The following BACH2 variants were observed in gnomAD, a reference collection of about 807,000 sequenced individuals.
BACH2 encodes the protein BACH transcriptional regulator 2.
In BACH2, 5 loss-of-function variants were observed where a neutral mutation model predicts 61.8. That is an observed-to-expected ratio of 0.08 (90% CI 0.04 to 0.17). The LOEUF is 0.17. Ranked by LOEUF, BACH2 falls within the 10% of genes least tolerant of loss-of-function variation. The pLI is 1.00. For synonymous variants in BACH2, 446 were observed against 440.1 expected (o/e 1.01, Z -0.17); for missense variants, 824 against 1,091.1 (o/e 0.76, Z 3.45).
At chr6:90,108,064 T>C (rs1159004148) in intron 4 of BACH2, among the ~76,000 whole-genome samples, 1 of 152,220 alleles carries the variant, frequency 6.6e-6, no homozygotes, top group Non-Finnish European at 1.5e-5. Context: ...GAAACAGATT[T>C]CAGGATTTTT....
intron 6 of BACH2, among the ~76,000 whole-genome samples, chr6:89,970,868 C>A (rs1292958304): frequency 1.3e-5 from 2 of 152,070 alleles, no homozygotes; most frequent in Non-Finnish European, 2.9e-5. Context: ...ATCTGGGTCG[C>A]AGGGAAAGTC....
intron 6 of BACH2, among the ~76,000 whole-genome samples, chr6:89,989,890 A>T (rs1324630454): frequency 6.6e-6 from 1 of 152,218 alleles, no homozygotes; most frequent in Non-Finnish European, 1.5e-5. Flanking sequence ...CTCTTGAGGA[A>T]CGAAATATGC....
chr6:90,270,999 G>A (rs1582553562), intron 2 of BACH2, among the ~76,000 whole-genome samples: 1 of 152,148 alleles, frequency 6.6e-6, no homozygotes, highest in East Asian at 1.9e-4. Context: ...TTCAATAAAT[G>A]GTGCTGGAAT....
At chr6:90,150,100 G>C (rs1351219022) in intron 4 of BACH2, among the ~76,000 whole-genome samples, 1 of 152,112 alleles carries the variant, frequency 6.6e-6, no homozygotes, top group African/African-American at 2.4e-5. Flanking sequence ...GATCATCTCC[G>C]AGGGGTTTGA....
At chr6:90,290,591 A>C (rs1270862832) in intron 1 of BACH2, among the ~76,000 whole-genome samples, 1 of 152,246 alleles carries the variant, frequency 6.6e-6, no homozygotes, top group Non-Finnish European at 1.5e-5. Flanking sequence ...ATTGCCAAAA[A>C]TCTATGGATA....
At chr6:90,254,307 A>G (rs1350362947) in intron 2 of BACH2, among the ~76,000 whole-genome samples, 2 of 152,054 alleles carry the variant, frequency 1.3e-5, no homozygotes, top group Admixed American at 6.6e-5. Context: ...GAGTATGTGA[A>G]TCTTCCTAGA....
intron 7 of BACH2, among the ~76,000 whole-genome samples, chr6:89,944,280 T>TGGA (rs1307170166): frequency 6.6e-6 from 1 of 152,196 alleles, no homozygotes; most frequent in African/African-American, 2.4e-5. Flanking sequence ...GGATGACAGG[T>TGGA]GGAGAAAGTG....
At chr6:90,121,339 G>T (rs773888263) in intron 4 of BACH2, among the ~76,000 whole-genome samples, 30 of 152,106 alleles carry the variant, frequency 2.0e-4, no homozygotes, top group Non-Finnish European at 4.0e-4. Context: ...AGCTAAGAGG[G>T]CTCTGACTCT....
intron 4 of BACH2, among the ~76,000 whole-genome samples, chr6:90,092,291 A>AAAAAAAAAAAAAAAAAAAAAAAAT: frequency 8.8e-6 from 1 of 113,842 alleles, no homozygotes; most frequent in African/African-American, 3.6e-5. Flanking sequence ...AAAAAAAAAA[A>AAAAAAAAAAAAAAAAAAAAAAAAT]ATATATATAT....
At chr6:90,104,363 C>A (rs1193605754) in intron 4 of BACH2, 1 of 152,204 alleles carries the variant, frequency 6.6e-6, no homozygotes, top group Admixed American at 6.6e-5. Flanking sequence ...CCTGCTGTGC[C>A]CAGAAGCGAG....
At chr6:90,143,995 C>G (rs1224939035) in intron 4 of BACH2, among the ~76,000 whole-genome samples, 1 of 152,152 alleles carries the variant, frequency 6.6e-6, no homozygotes, top group African/African-American at 2.4e-5. Context: ...CTGATCTTAC[C>G]TGTCTTTATG....
intron 1 of BACH2, among the ~76,000 whole-genome samples, chr6:90,279,352 G>A (rs1182290939): frequency 1.3e-5 from 2 of 151,758 alleles, no homozygotes; most frequent in Non-Finnish European, 2.9e-5. Context: ...GGGAAACCCC[G>A]TCTCTACTAA....
intron 3 of BACH2, among the ~76,000 whole-genome samples, chr6:90,216,270 G>C (rs922655770): frequency 3.3e-5 from 5 of 152,114 alleles, no homozygotes; most frequent in African/African-American, 1.2e-4. Context: ...CCTTATTAAC[G>C]AGAGTTTCAG....
At chr6:90,050,088 C>T (rs1240238218) in intron 5 of BACH2, among the ~76,000 whole-genome samples, 1 of 152,210 alleles carries the variant, frequency 6.6e-6, no homozygotes, top group Non-Finnish European at 1.5e-5. Flanking sequence ...GTATTTCCTA[C>T]TGTAAGCTTG....
intron 6 of BACH2, among the ~76,000 whole-genome samples, chr6:89,959,107 A>G (rs1250298719): frequency 8.9e-4 from 42 of 47,068 alleles, no homozygotes; most frequent in Non-Finnish European, 1.6e-3. Context: ...GCACACACAC[A>G]CACACACACA....
intron 4 of BACH2, among the ~76,000 whole-genome samples, chr6:90,102,839 T>TAATAATAATAAAAAA (rs751278080): frequency 4.9e-5 from 6 of 122,218 alleles, no homozygotes; most frequent in Non-Finnish European, 6.9e-5. Context: ...ATAATAATAA[T>TAATAATAATAAAAAA]AAAAATAAAA....
intron 5 of BACH2, among the ~76,000 whole-genome samples, chr6:90,053,271 G>T (rs1415798774): frequency 6.6e-6 from 1 of 151,920 alleles, no homozygotes; most frequent in Non-Finnish European, 1.5e-5. Flanking sequence ...TCTTTCTGAA[G>T]TATACGCTTT....
intron 5 of BACH2, among the ~76,000 whole-genome samples, chr6:90,080,146 T>A (rs1001432415): frequency 1.3e-5 from 2 of 152,278 alleles, no homozygotes; most frequent in African/African-American, 4.8e-5. Flanking sequence ...CACATTTTGT[T>A]TTGAAACAAT....
At chr6:90,235,193 A>G (rs993849882) in intron 3 of BACH2, among the ~76,000 whole-genome samples, 4 of 152,250 alleles carry the variant, frequency 2.6e-5, no homozygotes, top group Non-Finnish European at 5.9e-5. Flanking sequence ...AGCAAACACA[A>G]GAAATGCTGG....
Sources: allele counts gnomAD v4.1 joint callset (sites outside exome capture counted in the v4.1 genomes callset), GRCh38; gene constraint gnomAD v4.1.1; transcripts MANE v1.5; gene names NCBI Gene and HGNC (gene_info 2026-07-23, HGNC 2026-07-21).